Variants in TNNI1 observed in about 807,000 individuals in gnomAD.
TNNI1 encodes troponin I, slow skeletal muscle.
In TNNI1, 14 loss-of-function variants were observed where a neutral mutation model predicts 26.7. That is an observed-to-expected ratio of 0.52 (90% CI 0.35 to 0.82). TNNI1 has a LOEUF of 0.82. Ranked by LOEUF, TNNI1 falls within the 40% of genes least tolerant of loss-of-function variation. The pLI, the probability that TNNI1 is intolerant of heterozygous loss-of-function variation, is 0.01. For missense variants in TNNI1, 164 were observed against 257.0 expected, an observed-to-expected ratio of 0.64 and a Z score of 2.47; for synonymous variants, 79 against 98.2, an observed-to-expected ratio of 0.80 and a Z score of 1.16.
At chr1:201,421,257 G>A (rs919522124) in intron 1 of TNNI1, among the ~76,000 whole-genome samples, 3 of 152,206 alleles carry the variant, frequency 2.0e-5, no homozygotes, top group South Asian at 2.1e-4. Context: ...CTTCTCTTCC[G>A]CTGCAGGCAT....
rs1420997697 is a variant in TNNI1 at position 201,410,145 on chromosome 1, A to G, written c.*2+181T>C. ...GCCGCCAAACAGAAATGACATGCCC[A>G]AGTATCATGGTGCTGGAGCCAGGAC... On this transcript the variant is annotated intron_variant, in intron 8 of 8. Coordinates refer to ENST00000361379, the MANE Select transcript of TNNI1 (RefSeq NM_003281.4). 2.5e-5 allele frequency: 14 copies of G among 551,520 alleles called. No homozygotes were observed. In the Admixed American group the frequency reaches 2.9e-4, roughly 11 times the overall value. 34.2% of individuals were successfully genotyped at this position (551,520 alleles called of 1,614,324 possible). A position where few individuals can be genotyped will look rare whatever the true frequency, so the allele number is the denominator to read the frequency against.
intron 1 of TNNI1, among the ~76,000 whole-genome samples, chr1:201,420,440 G>C (rs1166323919): frequency 1.3e-5 from 2 of 152,196 alleles, no homozygotes; most frequent in Non-Finnish European, 2.9e-5. Flanking sequence ...CCCCCGAGGG[G>C]GGGAGCAAAG....
At position 201,407,967 on chromosome 1, in the gene TNNI1, TG is replaced by T. The variant is rs1466310035; in HGVS notation, c.*1285del. On this transcript the variant is annotated 3_prime_UTR_variant, in exon 9 of 9. Coordinates refer to ENST00000361379, the MANE Select transcript of TNNI1 (RefSeq NM_003281.4). ...TTGAAGCAGGAGAATCGCTTGAACC[TG>T]GGAGGCGGAGGTTGCAGTGAGTCGA... The T allele has an allele frequency of 2.0e-5, 3 of 147,544 alleles. No homozygotes were observed. The highest frequency in any genetic ancestry group is 4.4e-5 in the Non-Finnish European group (3 of 67,512). 9.1% of individuals were successfully genotyped at this position (147,544 alleles called of 1,614,324 possible).
chr1:201,404,226 T>C lies in TNNI1; in HGVS notation c.*5027A>G, dbSNP rs894954561. The C allele has an allele frequency of 6.6e-6, 1 of 152,098 alleles. No homozygotes were observed. Among genetic ancestry groups the C allele is most frequent in the Admixed American group, 6.5e-5 (1 of 15,272 alleles). 9.4% of individuals were successfully genotyped at this position (152,098 alleles called of 1,614,324 possible). A position where few individuals can be genotyped will look rare whatever the true frequency, so the allele number is the denominator to read the frequency against. ...TGGAATCCCCCAGAAAAAAGACTCATAGGGCAGCTTCCCCTTTCTCGGACA... is the reference window on the plus strand; with the variant it reads ...TGGAATCCCCCAGAAAAAAGACTCACAGGGCAGCTTCCCCTTTCTCGGACA... On this transcript the variant is annotated 3_prime_UTR_variant, in exon 9 of 9. Transcript: ENST00000361379.
chr1:201,412,892 G>A, intron 6 of TNNI1, 140 bp downstream of exon 6: 2 of 795,726 alleles, frequency 2.5e-6, no homozygotes, highest in East Asian at 2.5e-5. Context: ...TGGGGCTAGG[G>A]CAGACAAACC....
chr1:201,412,965 G>A, intron 6 of TNNI1, 67 bp downstream of exon 6: 2 of 1,507,084 alleles, frequency 1.3e-6, no homozygotes, highest in Non-Finnish European at 9.2e-7. Flanking sequence ...TCCCATGGCT[G>A]CTGCATCCGT....
chr1:201,412,693 G>A (rs371577209), intron 6 of TNNI1, among the ~76,000 whole-genome samples: 2 of 152,244 alleles, frequency 1.3e-5, no homozygotes, highest in East Asian at 3.8e-4. Context: ...AGGCCTATAA[G>A]GAGGATCAAA....
intron 2 of TNNI1, 154 bp downstream of exon 2, chr1:201,417,629 A>G (rs1445941665): frequency 1.8e-6 from 1 of 569,370 alleles, no homozygotes; most frequent in Non-Finnish European, 2.7e-6. Context: ...CAGGCAGCAC[A>G]GGGGAAACCA....
intron 1 of TNNI1, 124 bp from the exon 2 acceptor site, chr1:201,417,936 G>T: frequency 1.5e-6 from 1 of 685,948 alleles, no homozygotes; most frequent in Non-Finnish European, 2.1e-6. Flanking sequence ...CAGACACATT[G>T]GATTCCAGCA....
intron 5 of TNNI1, among the ~76,000 whole-genome samples, chr1:201,413,521 G>GA (rs1158193732): frequency 6.6e-6 from 1 of 152,170 alleles, no homozygotes; most frequent in Non-Finnish European, 1.5e-5. Flanking sequence ...CAAGGTGGGG[G>GA]ATCACCTGAG....
chr1:201,415,182 G>A (rs1329680119), intron 4 of TNNI1, 31 bp downstream of exon 4: 17 of 1,601,038 alleles, frequency 1.1e-5, no homozygotes, highest in East Asian at 2.2e-5. Context: ...CTCCCACTGG[G>A]CATCCCCCCA....
At chr1:201,420,453 T>A (rs1662834347) in intron 1 of TNNI1, among the ~76,000 whole-genome samples, 1 of 151,444 alleles carries the variant, frequency 6.6e-6, no homozygotes, top group South Asian at 2.1e-4. Context: ...GAGCAAAGAG[T>A]CTCTGGTGGT....
intron 3 of TNNI1, among the ~76,000 whole-genome samples, chr1:201,415,998 C>A (rs1015776370): frequency 1.3e-5 from 2 of 152,116 alleles, no homozygotes; most frequent in Admixed American, 1.3e-4. Flanking sequence ...TAGGCGGTCA[C>A]TTCTCATTGC....
Position 201,408,785 on chromosome 1 carries a change from G to A in TNNI1, c.*468C>T, listed in dbSNP as rs1368322907. Reference sequence around the variant, plus strand: ...CTCCGGACTGCAGACAGGGTGACTGGAGCCCAGCACAGCCCTCTCTTCCCA... The same window carrying A: ...CTCCGGACTGCAGACAGGGTGACTGAAGCCCAGCACAGCCCTCTCTTCCCA... On this transcript the variant is annotated 3_prime_UTR_variant, in exon 9 of 9. Transcript: ENST00000361379. 4 of 152,242 alleles carry A rather than the reference G, an allele frequency of 2.6e-5. No homozygotes were observed. The highest frequency in any genetic ancestry group is 5.9e-5 in the Non-Finnish European group (4 of 68,080). The allele number at this position is 152,242 out of a possible 1,614,324, so 9.4% of individuals were successfully genotyped here. A position where few individuals can be genotyped will look rare whatever the true frequency, so the allele number is the denominator to read the frequency against.
chr1:201,411,938 G>A lies in TNNI1; in HGVS notation c.280-405C>T, dbSNP rs986398165. Among the ~76,000 whole-genome samples the A allele has an allele frequency of 5.9e-5, 9 of 152,180 alleles. No individual in the cohort carries two copies. The highest frequency in any genetic ancestry group is 2.2e-4 in the African/African-American group (9 of 41,436). On this transcript the variant is annotated intron_variant, in intron 6 of 8. Transcript: ENST00000361379. The surrounding 1 kb of genome is among the most constrained non-coding windows in gnomAD (Gnocchi z 4.6). ...ATTTGCCCACTGCTCACCTGCTGCA[G>A]TGTGGCCCAGTTCCTAACAGGCCAC...
chr1:201,415,990 G>A (rs12116834), intron 3 of TNNI1, among the ~76,000 whole-genome samples: 52,275 of 151,916 alleles, frequency 0.34, 10,589 homozygotes, highest in Non-Finnish European at 0.47. Flanking sequence ...CTGGGCCATA[G>A]GCGGTCACTT....
In TNNI1 at chr1:201,417,211, A is replaced by G. The variant is rs1200987111; in HGVS notation, c.12-92T>C. Reference sequence around the variant, plus strand: ...ATTACATGTGCAGTCGCAGAACCTCACAGACCAGCTTGGGGGAGGAGGGGG... The same window carrying G: ...ATTACATGTGCAGTCGCAGAACCTCGCAGACCAGCTTGGGGGAGGAGGGGG... On this transcript the variant is annotated intron_variant, in intron 2 of 8. Coordinates refer to ENST00000361379, the MANE Select transcript of TNNI1 (RefSeq NM_003281.4). 4.5e-6 allele frequency: 7 copies of G among 1,559,486 alleles called. No individual in the cohort carries two copies. The Middle Eastern group carries it at 5.0e-4, about 112-fold the overall frequency.
In TNNI1 at chr1:201,419,515, G is replaced by A. The variant is rs116172951; in HGVS notation, c.-19-1703C>T. On this transcript the variant is annotated intron_variant, in intron 1 of 8. Coordinates refer to ENST00000361379, the MANE Select transcript of TNNI1 (RefSeq NM_003281.4). ...TGTGGAGTGGGCAGGCATGGAGCTC[G>A]GGGGCAGGAGTTTGGACTTGGTTCA... Among the ~76,000 whole-genome samples the A allele has an allele frequency of 3.3e-3, 504 of 152,326 alleles. 2 individuals carry two copies. Among genetic ancestry groups the A allele is most frequent in the Non-Finnish European group, 4.8e-3 (326 of 68,026 alleles).
rs1274173543 is a variant in TNNI1 at position 201,403,981 on chromosome 1, G to C, written c.*5272C>G. Reference sequence around the variant, plus strand: ...CTTAAAATGAGTGGTTGGCAGATGGGTGTTCACTTTACGATTCTTTATACG... The same window carrying C: ...CTTAAAATGAGTGGTTGGCAGATGGCTGTTCACTTTACGATTCTTTATACG... On this transcript the variant is annotated 3_prime_UTR_variant, in exon 9 of 9. Transcript: ENST00000361379. 2.6e-5 allele frequency: 4 copies of C among 152,184 alleles called. No homozygotes were observed. The highest frequency in any genetic ancestry group is 9.7e-5 in the African/African-American group (4 of 41,428). The allele number at this position is 152,184 out of a possible 1,614,324, so 9.4% of individuals were successfully genotyped here. A position where few individuals can be genotyped will look rare whatever the true frequency, so the allele number is the denominator to read the frequency against.
Sources: gnomAD v4.1 joint callset for allele counts (sites outside exome capture counted in the v4.1 genomes callset) on GRCh38, gnomAD v4.1.1 for gene constraint, Gnocchi (gnomAD v3.1) non-coding constraint, MANE v1.5 for transcripts, NCBI Gene and HGNC (gene_info 2026-07-23, HGNC 2026-07-21) for gene names.